Variants in ZNF469 observed in about 807,000 individuals in gnomAD.
The protein encoded by ZNF469 is zinc finger protein 469.
Under a neutral mutation model 1.0 loss-of-function variants are expected in ZNF469, and 1 was observed. The ratio of observed to expected loss-of-function variants is 1.00; its 90% CI spans 0.35 to 4.73. ZNF469 has a LOEUF of 4.73. Ranked by LOEUF, ZNF469 falls within the 30% of genes most tolerant of loss-of-function variation. The probability of loss-of-function intolerance (pLI) is 0.16; values close to 1 mark genes in which losing one functional copy is unlikely to be tolerated. For missense variants in ZNF469, 6,100 were observed against 5,356.3 expected (o/e 1.14, Z -4.33); for synonymous variants, 2,703 against 2,363.4 (o/e 1.14, Z -4.17).
the ZNF469 span, among the ~76,000 whole-genome samples, chr16:88,324,960 G>A: frequency 6.6e-6 from 1 of 152,304 alleles, no homozygotes; most frequent in Non-Finnish European, 1.5e-5. Context: ...GGAGGCCTCA[G>A]GAAACTTACA....
At position 88,427,514 on chromosome 16, in the gene ZNF469, C is replaced by A; in HGVS notation, c.44C>A (p.Thr15Asn). ...CGAGGAGCGCCGCCCCCCACCATGA[C>A]TGGAGACCTGCAGCCCCGCCAAGTT... is the stretch of plus-strand genomic sequence containing the variant. Reference protein sequence around the residue: ...RPRGAPPPTMTGDLQPRQVAS... With the variant: ...RPRGAPPPTMNGDLQPRQVAS... Residue 15 changes from threonine to asparagine, a missense_variant, in exon 3 of 3, where the codon ACT becomes AAT. Transcript: ENST00000565624. 1 of 1,533,714 alleles carries A rather than the reference C, an allele frequency of 6.5e-7. No individual in the cohort carries two copies. Among genetic ancestry groups the A allele is most frequent in the Non-Finnish European group, 8.7e-7 (1 of 1,144,434 alleles).
the ZNF469 span, among the ~76,000 whole-genome samples, chr16:88,263,084 A>G: frequency 5.2e-3 from 797 of 152,330 alleles, 12 homozygotes; most frequent in African/African-American, 0.018. Flanking sequence ...CAAGCTCTGT[A>G]TGAGAACTAG....
rs756718444 is a variant in ZNF469 at position 88,437,724 on chromosome 16, C to T, written c.10254C>T (p.Phe3418=). 41 of 1,549,844 alleles carry T rather than the reference C, an allele frequency of 2.6e-5. 1 individual carries two copies. The South Asian group carries it at 4.5e-4, about 17-fold the overall frequency. The change falls in exon 3 of 3, where the codon TTC becomes TTT. Residue 3418 remains phenylalanine (F), a synonymous_variant. Transcript: ENST00000565624. ...TTATGCGCATCATCAAGAAGTCCTT[C>T]GCCTGCAGCTCCTGCAACTACACCT... is the stretch of plus-strand genomic sequence containing the variant. ...ATVMRIIKKS[F]ACSSCNYTFA... is the part of the protein sequence containing the mutation.
chr16:88,381,947 T>C (rs374219261), upstream of ZNF469, among the ~76,000 whole-genome samples: 6 of 152,398 alleles, frequency 3.9e-5, no homozygotes, highest in South Asian at 8.3e-4. Flanking sequence ...AAAGGTGTCC[T>C]TAAAAGGGTG....
At chr16:88,412,725 C>T (rs1417067950) in intron 1 of ZNF469, among the ~76,000 whole-genome samples, 1 of 152,200 alleles carries the variant, frequency 6.6e-6, no homozygotes, top group African/African-American at 2.4e-5. Context: ...CTCGTCAGGG[C>T]GGGGACAGCT....
chr16:88,149,346 T>C, the ZNF469 span, among the ~76,000 whole-genome samples: 1 of 152,106 alleles, frequency 6.6e-6, no homozygotes, highest in Non-Finnish European at 1.5e-5. Flanking sequence ...TTTCCATGGA[T>C]TCATTTTCAC....
chr16:88,252,963 C>T, the ZNF469 span, among the ~76,000 whole-genome samples: 3 of 152,190 alleles, frequency 2.0e-5, no homozygotes, highest in African/African-American at 7.2e-5. Context: ...CTATAGCATA[C>T]GTTCCTTTGT....
chr16:88,307,049 T>C, the ZNF469 span, among the ~76,000 whole-genome samples: 1 of 152,214 alleles, frequency 6.6e-6, no homozygotes, highest in Non-Finnish European at 1.5e-5. Context: ...ATCCACTTCC[T>C]GCCTCCAAGG....
intron 1 of ZNF469, among the ~76,000 whole-genome samples, chr16:88,415,257 G>A (rs1905273795): frequency 6.6e-6 from 1 of 152,150 alleles, no homozygotes; most frequent in Non-Finnish European, 1.5e-5. Context: ...TCACAGCTGA[G>A]CGAGGTCCTG....
Position 88,431,309 on chromosome 16 carries a change from C to A in ZNF469, c.3839C>A (p.Pro1280Gln). Residue 1280 changes from proline to glutamine, a missense_variant, in exon 3 of 3, where the codon CCG becomes CAG. Transcript: ENST00000565624. ...PSRHDTGTPK[P>Q]SGSLANTAPH... ...AGACATGACACCGGCACCCCCAAGC[C>A]GTCGGGAAGCCTCGCCAACACGGCG... 6.5e-7 allele frequency: 1 copy of A among 1,549,978 alleles called. No homozygotes were observed. Among genetic ancestry groups the A allele is most frequent in the Admixed American group, 2.0e-5 (1 of 51,014 alleles).
At chr16:88,308,643 G>A in the ZNF469 span, among the ~76,000 whole-genome samples, 2 of 152,166 alleles carry the variant, frequency 1.3e-5, no homozygotes, top group Non-Finnish European at 2.9e-5. Flanking sequence ...GCCTGGAGCA[G>A]AAGGACACCC....
At chr16:88,153,586 G>A in the ZNF469 span, among the ~76,000 whole-genome samples, 20 of 152,378 alleles carry the variant, frequency 1.3e-4, no homozygotes, top group African/African-American at 4.6e-4. Context: ...GAAGGTCATA[G>A]CAGCCCTCAG....
chr16:88,139,038 C>T, the ZNF469 span, among the ~76,000 whole-genome samples: 31 of 152,324 alleles, frequency 2.0e-4, no homozygotes, highest in African/African-American at 6.7e-4. Flanking sequence ...ATGTAACCTG[C>T]AACATTTTAA....
chr16:88,110,291 C>T, the ZNF469 span, among the ~76,000 whole-genome samples: 10 of 152,206 alleles, frequency 6.6e-5, no homozygotes, highest in Admixed American at 6.5e-5. Flanking sequence ...GGGGCGGGCC[C>T]TGAGGCTCCA....
chr16:88,124,515 G>A, the ZNF469 span, among the ~76,000 whole-genome samples: 1 of 152,188 alleles, frequency 6.6e-6, no homozygotes, highest in East Asian at 1.9e-4. Context: ...GAGCCACCAT[G>A]CCCAGGCTGA....
chr16:88,113,055 G>T, the ZNF469 span, among the ~76,000 whole-genome samples: 1 of 151,952 alleles, frequency 6.6e-6, no homozygotes, highest in East Asian at 1.9e-4. Context: ...TGGGATTACA[G>T]GTGTGAGCCA....
chr16:88,137,774 C>T, the ZNF469 span, among the ~76,000 whole-genome samples: 1 of 152,162 alleles, frequency 6.6e-6, no homozygotes, highest in South Asian at 2.1e-4. Context: ...AGCTTCTTTA[C>T]AACTGAGGAG....
the ZNF469 span, among the ~76,000 whole-genome samples, chr16:88,368,259 C>T: frequency 2.6e-5 from 4 of 152,226 alleles, no homozygotes; most frequent in African/African-American, 9.6e-5. Context: ...ACAGAACCCA[C>T]GGGCAGATAC....
the ZNF469 span, among the ~76,000 whole-genome samples, chr16:88,196,207 AC>A: frequency 1.3e-5 from 2 of 152,148 alleles, no homozygotes; most frequent in Non-Finnish European, 2.9e-5. Context: ...GAAGTGGAGT[AC>A]CTGTCGGGAC....
Sources: allele counts gnomAD v4.1 joint callset (sites outside exome capture counted in the v4.1 genomes callset), GRCh38; gene constraint gnomAD v4.1.1; transcripts MANE v1.5; gene names NCBI Gene and HGNC (gene_info 2026-07-23, HGNC 2026-07-21).